The following GYG2 variants were observed in gnomAD, a reference collection of about 807,000 sequenced individuals.
GYG2 encodes the protein glycogenin-2.
Under a neutral mutation model 29.4 loss-of-function variants are expected in GYG2, and 29 were observed. That is an observed-to-expected ratio of 0.99 (90% CI 0.74 to 1.35). The LOEUF is 1.35. GYG2 is among the 40% of genes most tolerant of loss of function. GYG2 has a pLI of 0.00. For missense variants in GYG2, 370 were observed against 385.7 expected (o/e 0.96, Z 0.34); for synonymous variants, 167 against 172.3 (o/e 0.97, Z 0.24).
At chrX:2,870,802 G>A (rs1458412897) in intron 8 of GYG2, among the ~76,000 whole-genome samples, 1 of 111,293 alleles carries the variant, frequency 9.0e-6, no homozygotes, top group Non-Finnish European at 1.9e-5. Flanking sequence ...TTTAATTATA[G>A]TCCATGTCTG....
At position 2,875,851 on chromosome X, in the gene GYG2, G is replaced by A. The variant is rs201123025; in HGVS notation, c.1080G>A (p.Thr360=). ...CPETETPAVI[T]CDPLSQPSPQ... is the part of the protein sequence containing the mutation. ...AAACTGAGACTCCTGCCGTGATAAC[G>A]TGTGACCCACTGTCCCAGCCTTCCC... The change falls in exon 9 of 11, where the codon ACG becomes ACA. Residue 360 remains threonine (T), a synonymous_variant. Transcript: ENST00000398806. The A allele has an allele frequency of 6.8e-5, 81 of 1,196,316 alleles. No homozygotes were observed. In the East Asian group the frequency reaches 1.4e-3, roughly 21 times the overall value.
At chrX:2,861,792 G>A (rs1037292880) in intron 8 of GYG2, 70 bp downstream of exon 8, 18 of 809,910 alleles carry the variant, frequency 2.2e-5, no homozygotes, top group Admixed American at 7.9e-5. Context: ...AGAGAGAGCC[G>A]GCTTCCCTGG....
chrX:2,879,219 ATC>A (rs1491586628), intron 10 of GYG2, among the ~76,000 whole-genome samples: 1 of 109,570 alleles, frequency 9.1e-6, no homozygotes, highest in Non-Finnish European at 1.9e-5. Flanking sequence ...CTTTCTATAT[ATC>A]TATCTCTATA....
intron 6 of GYG2, 80 bp downstream of exon 6, chrX:2,856,704 C>T (rs2087993086): frequency 9.8e-6 from 8 of 818,558 alleles, no homozygotes; most frequent in Admixed American, 5.2e-5. Flanking sequence ...TACCAGCTGT[C>T]GGCATATTTA....
chrX:2,880,063 C>G (rs1201229760), intron 10 of GYG2, among the ~76,000 whole-genome samples: 1 of 111,272 alleles, frequency 9.0e-6, no homozygotes, highest in Non-Finnish European at 1.9e-5. Context: ...ATTATTGTTA[C>G]CATCTTTAAA....
chrX:2,840,118 A>G (rs2087462447), intron 2 of GYG2, among the ~76,000 whole-genome samples: 1 of 112,411 alleles, frequency 8.9e-6, no homozygotes, highest in Admixed American at 9.5e-5. Context: ...AGGTGTGGGG[A>G]TACCCATTAT....
At position 2,881,318 on chromosome X, in the gene GYG2, C is replaced by T; in HGVS notation, c.*105C>T. 1 of 667,314 alleles carries T rather than the reference C, an allele frequency of 1.5e-6. No individual in the cohort carries two copies. Among genetic ancestry groups the T allele is most frequent in the South Asian group, 3.0e-5 (1 of 32,867 alleles). The allele number at this position is 667,314 out of a possible 1,213,427, so 55.0% of individuals were successfully genotyped here. A position where few individuals can be genotyped will look rare whatever the true frequency, so the allele number is the denominator to read the frequency against. ...CTTTCAAAGGGAAACGCTGTTGAAC[C>T]TTGTGCCTCTATTTATGCTTAATCC... is the stretch of plus-strand genomic sequence containing the variant. On this transcript the variant is annotated 3_prime_UTR_variant, in exon 11 of 11. Coordinates refer to ENST00000398806, the MANE Select transcript of GYG2 (RefSeq NM_001079855.2).
rs1027671733 is a variant in GYG2 at position 2,856,637 on chromosome X, C to T, written c.614+13C>T. The T allele has an allele frequency of 5.0e-6, 6 of 1,192,750 alleles. No individual in the cohort carries two copies. In the African/African-American group the frequency reaches 1.1e-4, roughly 21 times the overall value. ...CTGCCTTCAAGCAGTAAGTTCTCCA[C>T]CCTGGCGAATCCTGCCAGATCTGCC... On this transcript the variant is annotated intron_variant, in intron 6 of 10. Coordinates refer to ENST00000398806, the MANE Select transcript of GYG2 (RefSeq NM_001079855.2).
intron 8 of GYG2, among the ~76,000 whole-genome samples, chrX:2,862,633 C>T (rs2088196624): frequency 9.0e-6 from 1 of 111,485 alleles, no homozygotes; most frequent in African/African-American, 3.3e-5. Context: ...CTGCTGAGGC[C>T]GAGTCTGCAG....
chrX:2,846,314 G>A (rs2087736899), intron 3 of GYG2, among the ~76,000 whole-genome samples: 1 of 106,492 alleles, frequency 9.4e-6, no homozygotes, highest in Non-Finnish European at 1.9e-5. Context: ...TGATCTGCCC[G>A]CCTCCGCCTC....
intron 8 of GYG2, among the ~76,000 whole-genome samples, chrX:2,866,664 C>T (rs746930386): frequency 2.1e-4 from 23 of 111,088 alleles, no homozygotes; most frequent in African/African-American, 7.5e-4. Context: ...AATAGCTGGA[C>T]GGAGGATATT....
In GYG2 at chrX:2,876,032, C is replaced by CT. The variant is rs1569075859; in HGVS notation, c.1143+118_1143+119insT. ...CGCCATAGGCTTTTAAAAATTCCTC[C>CT]CTTTTTTTTTTTTTTTTTTTTTTTT... On this transcript the variant is annotated intron_variant, in intron 9 of 10. Transcript: ENST00000398806. 328 of 241,052 alleles carry CT rather than the reference C, an allele frequency of 1.4e-3. 4 individuals carry two copies. In the African/African-American group the frequency reaches 0.015, roughly 11 times the overall value. 19.9% of individuals were successfully genotyped at this position (241,052 alleles called of 1,213,427 possible).
At chrX:2,876,379 G>A (rs2088600448) in intron 9 of GYG2, among the ~76,000 whole-genome samples, 1 of 109,480 alleles carries the variant, frequency 9.1e-6, no homozygotes, top group Admixed American at 9.8e-5. Context: ...GGCTTTTATT[G>A]CCACATATCA....
At chrX:2,865,766 A>C (rs1358914485) in intron 8 of GYG2, among the ~76,000 whole-genome samples, 2 of 111,777 alleles carry the variant, frequency 1.8e-5, no homozygotes, top group Non-Finnish European at 3.8e-5. Flanking sequence ...GAGAAAGGGG[A>C]ACTCTTTTCC....
chrX:2,848,731 T>C (rs2087803147), intron 3 of GYG2, among the ~76,000 whole-genome samples: 1 of 111,468 alleles, frequency 9.0e-6, no homozygotes, highest in South Asian at 3.8e-4. Context: ...CTTGAGGGGA[T>C]GGATACTGCA....
chrX:2,856,619 C>T lies in GYG2; in HGVS notation c.609C>T (p.Phe203=). The change falls in exon 6 of 11, where the codon TTC becomes TTT. Residue 203 remains phenylalanine (F), a synonymous_variant. Coordinates refer to ENST00000398806, the MANE Select transcript of GYG2 (RefSeq NM_001079855.2). ...CGATGTACACTTACAGCCCTGCCTT[C>T]AAGCAGTAAGTTCTCCACCCTGGCG... is the stretch of plus-strand genomic sequence containing the variant. The part of the protein sequence containing the change: ...SNTMYTYSPA[F]KQFGSSAKVV... 2 of 1,205,248 alleles carry T rather than the reference C, an allele frequency of 1.7e-6. No homozygotes were observed. The highest frequency in any genetic ancestry group is 2.2e-6 in the Non-Finnish European group (2 of 891,461).
At position 2,875,842 on chromosome X, in the gene GYG2, C is replaced by T. The variant is rs373619879; in HGVS notation, c.1071C>T (p.Ala357=). 1.9e-5 allele frequency: 23 copies of T among 1,192,199 alleles called. No homozygotes were observed. The highest frequency in any genetic ancestry group is 1.1e-4 in the African/African-American group (6 of 56,356). ...MIACPETETP[A]VITCDPLSQP... ...CTTGTCCTGAAACTGAGACTCCTGC[C>T]GTGATAACGTGTGACCCACTGTCCC... Residue 357 remains alanine, a synonymous_variant, in exon 9 of 11, where the codon GCC becomes GCT. Coordinates refer to ENST00000398806, the MANE Select transcript of GYG2 (RefSeq NM_001079855.2).
chrX:2,878,667 G>A (rs1356632135), intron 10 of GYG2, among the ~76,000 whole-genome samples: 1 of 111,842 alleles, frequency 8.9e-6, no homozygotes, highest in Non-Finnish European at 1.9e-5. Context: ...AGTGGTATAG[G>A]GAAAGCCCTA....
At chrX:2,841,363 ATGAT>A in intron 2 of GYG2, among the ~76,000 whole-genome samples, 1 of 62,175 alleles carries the variant, frequency 1.6e-5, no homozygotes, top group Non-Finnish European at 3.8e-5. Context: ...ATATTATCCA[ATGAT>A]AGATAGATGA....
Sources: gnomAD v4.1 joint callset for allele counts (sites outside exome capture counted in the v4.1 genomes callset) on GRCh38, gnomAD v4.1.1 for gene constraint, MANE v1.5 for transcripts, NCBI Gene and HGNC (gene_info 2026-07-23, HGNC 2026-07-21) for gene names.